The following RMDN2 variants were observed in gnomAD, a reference collection of about 807,000 sequenced individuals.
The protein encoded by RMDN2 is regulator of microtubule dynamics 2, also known as regulator of microtubule dynamics protein 2.
Under a neutral mutation model 52.8 loss-of-function variants are expected in RMDN2, and 61 were observed. The ratio of observed to expected loss-of-function variants is 1.16; its 90% CI spans 0.94 to 1.43. The LOEUF (loss-of-function observed/expected upper bound fraction) is 1.43. Ranked by LOEUF, RMDN2 falls within the 40% of genes most tolerant of loss-of-function variation. The pLI, the probability that RMDN2 is intolerant of heterozygous loss-of-function variation, is 0.00. For synonymous variants in RMDN2, 180 were observed against 153.1 expected (o/e 1.18, Z -1.30); for missense variants, 592 against 475.3 (o/e 1.25, Z -2.28).
At chr2:38,044,107 G>C (rs1681125614) in intron 10 of RMDN2, among the ~76,000 whole-genome samples, 2 of 152,014 alleles carry the variant, frequency 1.3e-5, no homozygotes, top group Admixed American at 1.3e-4. Flanking sequence ...CCCAGTTTTT[G>C]TTTGTCTAAG....
chr2:37,983,060 C>T (rs939542623), intron 5 of RMDN2, among the ~76,000 whole-genome samples: 2 of 152,042 alleles, frequency 1.3e-5, no homozygotes, highest in African/African-American at 4.8e-5. Context: ...CCTCTGACTC[C>T]TCTGTTCCCT....
chr2:37,982,443 G>C (rs1673447276), intron 5 of RMDN2, among the ~76,000 whole-genome samples: 1 of 152,134 alleles, frequency 6.6e-6, no homozygotes, highest in South Asian at 2.1e-4. Flanking sequence ...CCTAGCCCCT[G>C]CCCTCTGTCA....
intron 2 of RMDN2, among the ~76,000 whole-genome samples, chr2:37,964,223 C>A (rs182074868): frequency 6.6e-6 from 1 of 151,844 alleles, no homozygotes; most frequent in South Asian, 2.1e-4. Flanking sequence ...TCAGACAGGG[C>A]GGCTGCCGGG....
In RMDN2 at chr2:37,952,492, A is replaced by G. The variant is rs556165348; in HGVS notation, c.453-21548A>G. The G allele has an allele frequency of 2.4e-5, 11 of 462,464 alleles. 1 individual carries two copies. Among genetic ancestry groups the G allele is most frequent in the African/African-American group, 1.6e-4 (8 of 50,710 alleles). The allele number at this position is 462,464 out of a possible 1,614,324, so 28.6% of individuals were successfully genotyped here. ...CTCAGATTTCTGAGTGACTATTATAATACTTTTGTGGTCTGAAAATAACAT... is the reference window on the plus strand; with the variant it reads ...CTCAGATTTCTGAGTGACTATTATAGTACTTTTGTGGTCTGAAAATAACAT... On this transcript the variant is annotated intron_variant, in intron 2 of 10. Coordinates refer to ENST00000354545, the MANE Select transcript of RMDN2 (RefSeq NM_001170791.3).
intron 10 of RMDN2, among the ~76,000 whole-genome samples, chr2:38,005,101 T>A: frequency 6.6e-6 from 1 of 152,218 alleles, no homozygotes; most frequent in East Asian, 1.9e-4. Flanking sequence ...TCTATCATTG[T>A]TGGACATTTG....
At chr2:38,017,159 C>G (rs1479692123) in intron 10 of RMDN2, 27 bp from the exon 11 acceptor site, 1 of 1,415,064 alleles carries the variant, frequency 7.1e-7, no homozygotes, top group African/African-American at 1.4e-5. Context: ...CATGAAATTT[C>G]ATTATGTATT....
In RMDN2 at chr2:38,060,849, A is replaced by AT. The variant is rs1221704490; in HGVS notation, c.1714-6132dup. On this transcript the variant is annotated intron_variant, in intron 10 of 10. Coordinates refer to the RMDN2 transcript ENST00000234195. ...ACAGCACAACACCAGGGGATGGGAGATCCCCCCAAACAGAACACGAGGCTG... is the reference window on the plus strand; with the variant it reads ...ACAGCACAACACCAGGGGATGGGAGATTCCCCCCAAACAGAACACGAGGCTG... Among the ~76,000 whole-genome samples, 3 of 152,130 alleles carry AT rather than the reference A, an allele frequency of 2.0e-5. No individual in the cohort carries two copies. In the East Asian group the frequency reaches 5.8e-4, roughly 29 times the overall value.
intron 2 of RMDN2, chr2:37,950,341 C>A: frequency 9.5e-7 from 1 of 1,048,638 alleles, no homozygotes; most frequent in Non-Finnish European, 1.4e-6. Context: ...AAACACATTC[C>A]ACAGCCATGT....
At chr2:37,958,804 G>T (rs11893139) in intron 2 of RMDN2, among the ~76,000 whole-genome samples, 122,294 of 150,308 alleles carry the variant, frequency 0.81, 50,410 homozygotes, top group Middle Eastern at 0.91. Flanking sequence ...TATTTTCAGA[G>T]ATGTTCCCTC....
chr2:38,055,592 T>A (rs163076), intron 10 of RMDN2, among the ~76,000 whole-genome samples: 85,822 of 151,976 alleles, frequency 0.56, 25,015 homozygotes, highest in Non-Finnish European at 0.63. Flanking sequence ...CATACAGTCA[T>A]TTTTGAAGTA....
intron 10 of RMDN2, among the ~76,000 whole-genome samples, chr2:38,050,356 A>T (rs531736328): frequency 1.7e-4 from 26 of 151,726 alleles, no homozygotes; most frequent in African/African-American, 4.9e-4. Context: ...TTAAAAAAAA[A>T]AATAAAAAAA....
intron 10 of RMDN2, among the ~76,000 whole-genome samples, chr2:38,037,645 T>C (rs336032): frequency 0.33 from 50,936 of 152,138 alleles, 9,153 homozygotes; most frequent in Non-Finnish European, 0.41. Context: ...TAAAACATAG[T>C]TCAGAACCTG....
chr2:37,940,284 A>G (rs1180347273), intron 2 of RMDN2, among the ~76,000 whole-genome samples: 1 of 152,028 alleles, frequency 6.6e-6, no homozygotes, highest in Admixed American at 6.5e-5. Context: ...TTTGTGGGTA[A>G]CTCGACCTTT....
intron 2 of RMDN2, among the ~76,000 whole-genome samples, chr2:37,966,322 C>A (rs1052194505): frequency 6.6e-6 from 1 of 151,728 alleles, no homozygotes; most frequent in East Asian, 1.9e-4. Flanking sequence ...GAGGCTGAGG[C>A]AGGAGAATGG....
intron 10 of RMDN2, among the ~76,000 whole-genome samples, chr2:38,051,653 A>G (rs1681605867): frequency 6.6e-6 from 1 of 152,178 alleles, no homozygotes; most frequent in African/African-American, 2.4e-5. Flanking sequence ...GTTTGTACCC[A>G]TTAACCAACC....
intron 2 of RMDN2, among the ~76,000 whole-genome samples, chr2:37,939,897 G>T (rs1667633561): frequency 6.6e-6 from 1 of 152,098 alleles, no homozygotes; most frequent in Non-Finnish European, 1.5e-5. Context: ...GGTTAATATT[G>T]TTATGTGTGA....
chr2:38,038,298 ACTGCG>A (rs1680731564), intron 10 of RMDN2, among the ~76,000 whole-genome samples: 5 of 152,126 alleles, frequency 3.3e-5, no homozygotes, highest in African/African-American at 9.7e-5. Flanking sequence ...GCGGACGCCG[ACTGCG>A]AGTCTCTTTG....
intron 10 of RMDN2, chr2:38,066,773 T>TA: frequency 1.8e-6 from 1 of 556,678 alleles, no homozygotes; most frequent in Non-Finnish European, 3.2e-6. Context: ...TTTAAAGGAA[T>TA]ATTTTTCCCA....
intron 2 of RMDN2, among the ~76,000 whole-genome samples, chr2:37,930,829 G>T (rs1666673967): frequency 6.6e-6 from 1 of 152,212 alleles, no homozygotes; most frequent in African/African-American, 2.4e-5. Flanking sequence ...TGCTAGCAGA[G>T]TGAGGGTTAA....
Sources: gnomAD v4.1 joint callset for allele counts (sites outside exome capture counted in the v4.1 genomes callset) on GRCh38, gnomAD v4.1.1 for gene constraint, MANE v1.5 for transcripts, NCBI Gene and HGNC (gene_info 2026-07-23, HGNC 2026-07-21) for gene names.